The following DENND10 variants were observed in gnomAD, a reference collection of about 807,000 sequenced individuals.
DENND10 encodes DENN domain containing 10, also known as DENN domain-containing protein 10.
DENND10 carries 24 observed loss-of-function variants against 43.6 expected under a neutral mutation model. The ratio of observed to expected loss-of-function variants is 0.55; its 90% confidence interval spans 0.40 to 0.77. The LOEUF is 0.77. Ranked by LOEUF, DENND10 falls within the 30% of genes least tolerant of loss-of-function variation. The pLI is 0.00. For synonymous variants in DENND10, 125 were observed against 157.6 expected, an observed-to-expected ratio of 0.79 and a Z score of 1.55; for missense variants, 303 against 429.9, an observed-to-expected ratio of 0.70 and a Z score of 2.61.
chr10:119,107,559 A>G (rs916423501), intron 1 of DENND10, among the ~76,000 whole-genome samples: 24 of 151,720 alleles, frequency 1.6e-4, no homozygotes, highest in African/African-American at 5.6e-4. Context: ...ATGCCCCACC[A>G]CACCCGGATA....
chr10:119,136,749 TATC>T lies in DENND10; in HGVS notation c.*103_*105del. On this transcript the variant is annotated 3_prime_UTR_variant, in exon 9 of 9. Coordinates refer to ENST00000361432, the MANE Select transcript of DENND10 (RefSeq NM_207009.4). Reference sequence around the variant, plus strand: ...CCTGAAAATAACAGAGAAACTGTTATATCTTTTTAATGATTTATTTGCAAGTAT... The same window carrying T: ...CCTGAAAATAACAGAGAAACTGTTATTTTTTAATGATTTATTTGCAAGTAT... 1 of 593,798 alleles carries T rather than the reference TATC, an allele frequency of 1.7e-6. No homozygotes were observed. Among genetic ancestry groups the T allele is most frequent in the Non-Finnish European group, 2.9e-6 (1 of 344,498 alleles). 36.8% of individuals were successfully genotyped at this position (593,798 alleles called of 1,614,324 possible). A position where few individuals can be genotyped will look rare whatever the true frequency, so the allele number is the denominator to read the frequency against.
At chr10:119,129,425 A>G in intron 6 of DENND10, 90 bp from the exon 7 acceptor site, 1 of 767,950 alleles carries the variant, frequency 1.3e-6, no homozygotes, top group Non-Finnish European at 2.3e-6. Context: ...AGTGAAAGAG[A>G]GCAGTCGATG....
At chr10:119,136,353 G>A (rs1360729146) in intron 8 of DENND10, 118 bp from the exon 9 acceptor site, 10 of 1,230,170 alleles carry the variant, frequency 8.1e-6, no homozygotes, top group African/African-American at 4.6e-5. Context: ...GAGCCACCAC[G>A]CCAAGCTCAT....
At chr10:119,124,940 A>ATT in intron 6 of DENND10, among the ~76,000 whole-genome samples, 1 of 152,188 alleles carries the variant, frequency 6.6e-6, no homozygotes, top group South Asian at 2.1e-4. Context: ...TGCAACCTAT[A>ATT]TTTAACTATT....
intron 5 of DENND10, among the ~76,000 whole-genome samples, chr10:119,123,143 C>A (rs1845652759): frequency 6.6e-6 from 1 of 152,188 alleles, no homozygotes; most frequent in African/African-American, 2.4e-5. Flanking sequence ...GTGGCAGGCA[C>A]CTGTAGTCCC....
At position 119,105,977 on chromosome 10, in the gene DENND10, A is replaced by G. The variant is rs1327252683; in HGVS notation, c.55+1780A>G. On this transcript the variant is annotated intron_variant, in intron 1 of 8. Transcript: ENST00000361432. ...TTGGGAGGCTGAGGCAGGTGGATCA[A>G]TTGAGGCTGGGAGTTGATCAGCCTG... Among the ~76,000 whole-genome samples the G allele has an allele frequency of 2.6e-5, 4 of 152,168 alleles. No individual in the cohort carries two copies. In the East Asian group the frequency reaches 7.7e-4, roughly 29 times the overall value.
chr10:119,132,768 A>C lies in DENND10; in HGVS notation c.897+159A>C, dbSNP rs1214067760. 1 of 661,634 alleles carries C rather than the reference A, an allele frequency of 1.5e-6. No individual in the cohort carries two copies. The highest frequency in any genetic ancestry group is 2.4e-5 in the Admixed American group (1 of 41,288). The allele number at this position is 661,634 out of a possible 1,614,324, so 41.0% of individuals were successfully genotyped here. A position where few individuals can be genotyped will look rare whatever the true frequency, so the allele number is the denominator to read the frequency against. On this transcript the variant is annotated intron_variant, in intron 8 of 8. Transcript: ENST00000361432. This position sits in a 1 kb window ranked among gnomAD's most constrained non-coding sequence, Gnocchi z 4.2. ...CAGACGGCCACAGTGATGATGGACA[A>C]GCAGGTGCAGGCTGGCCTGATCTAG...
intron 1 of DENND10, among the ~76,000 whole-genome samples, chr10:119,107,526 C>T (rs1844754821): frequency 6.6e-6 from 1 of 151,550 alleles, no homozygotes; most frequent in African/African-American, 2.4e-5. Context: ...GCCTTAGCCT[C>T]CTGAGTAGCT....
intron 3 of DENND10, among the ~76,000 whole-genome samples, chr10:119,116,835 ATT>A (rs80097276): frequency 0.55 from 80,034 of 144,380 alleles, 22,157 homozygotes; most frequent in South Asian, 0.68. Flanking sequence ...CACCTGGCTA[ATT>A]TTTTTTTTTT....
chr10:119,123,887 T>C (rs1339590673), intron 6 of DENND10, among the ~76,000 whole-genome samples: 2 of 151,922 alleles, frequency 1.3e-5, no homozygotes, highest in East Asian at 3.9e-4. Flanking sequence ...TTTTTTTTTT[T>C]TTTTAGTTTA....
At chr10:119,120,492 C>A in intron 5 of DENND10, 40 bp downstream of exon 5, 1 of 1,280,898 alleles carries the variant, frequency 7.8e-7, no homozygotes. Context: ...ACTTTGTTGG[C>A]AGACAGTTCG....
chr10:119,117,233 G>A (rs774360123), intron 3 of DENND10, among the ~76,000 whole-genome samples: 1 of 151,894 alleles, frequency 6.6e-6, no homozygotes, highest in Non-Finnish European at 1.5e-5. Flanking sequence ...TTAGCAGGGT[G>A]TGGTGGTGCA....
chr10:119,124,568 G>A lies in DENND10; in HGVS notation c.694+999G>A, dbSNP rs1243692710. ...GAAAAAAAGATTTACCTTTTTTTTTGAGACCAGGTCTTCCTGTGTTACTCA... is the reference window on the plus strand; with the variant it reads ...GAAAAAAAGATTTACCTTTTTTTTTAAGACCAGGTCTTCCTGTGTTACTCA... On this transcript the variant is annotated intron_variant, in intron 6 of 8. Coordinates refer to ENST00000361432, the MANE Select transcript of DENND10 (RefSeq NM_207009.4). 4.0e-5 allele frequency among the ~76,000 whole-genome samples: 6 copies of A among 151,102 alleles called. No homozygotes were observed. In the East Asian group the frequency reaches 1.2e-3, roughly 29 times the overall value.
At position 119,112,080 on chromosome 10, in the gene DENND10, T is replaced by C. The variant is rs989545468; in HGVS notation, c.332+152T>C. The stretch of plus-strand genomic sequence containing the variant: ...CCTTCACAGACTGTAAAGACGGCCT[T>C]TCTCTTTTGCTCTGTTGATACTTCT... On this transcript the variant is annotated intron_variant, in intron 3 of 8. Coordinates refer to ENST00000361432, the MANE Select transcript of DENND10 (RefSeq NM_207009.4). The C allele has an allele frequency of 2.3e-5, 14 of 607,266 alleles. No individual in the cohort carries two copies. In the Admixed American group the frequency reaches 4.1e-4, roughly 18 times the overall value. The allele number at this position is 607,266 out of a possible 1,614,324, so 37.6% of individuals were successfully genotyped here.
intron 6 of DENND10, among the ~76,000 whole-genome samples, chr10:119,124,037 CA>C (rs1401283279): frequency 6.7e-6 from 1 of 148,974 alleles, no homozygotes; most frequent in South Asian, 2.1e-4. Context: ...ACTAAAAATA[CA>C]AAAAATTAGC....
intron 5 of DENND10, among the ~76,000 whole-genome samples, chr10:119,120,963 A>C (rs1214267840): frequency 4.6e-5 from 7 of 152,000 alleles, no homozygotes. Flanking sequence ...TTGATAGTAC[A>C]TATAGATTTT....
intron 3 of DENND10, among the ~76,000 whole-genome samples, chr10:119,115,804 C>T (rs1845239577): frequency 6.8e-6 from 1 of 146,130 alleles, no homozygotes; most frequent in Admixed American, 6.9e-5. Context: ...CGCTCTGTTG[C>T]CCAGGCTGGA....
intron 4 of DENND10, among the ~76,000 whole-genome samples, chr10:119,120,074 C>G (rs946757378): frequency 6.7e-6 from 1 of 150,208 alleles, no homozygotes; most frequent in Admixed American, 6.7e-5. Flanking sequence ...ATGGTGAAAC[C>G]CCGTCTCTAC....
chr10:119,132,453 G>C lies in DENND10; in HGVS notation c.803-62G>C. 7.1e-7 allele frequency: 1 copy of C among 1,416,602 alleles called. No homozygotes were observed. Among genetic ancestry groups the C allele is most frequent in the South Asian group, 1.2e-5 (1 of 86,890 alleles). 87.8% of individuals were successfully genotyped at this position (1,416,602 alleles called of 1,614,324 possible). ...CTCAGTGTGGTCTTCCAAGTTTTCA[G>C]ATAGATGGCATGATTATTTTTTATG... On this transcript the variant is annotated intron_variant, in intron 7 of 8. Coordinates refer to ENST00000361432, the MANE Select transcript of DENND10 (RefSeq NM_207009.4). The surrounding 1 kb of genome is among the most constrained non-coding windows in gnomAD (Gnocchi z 4.2).
Sources: allele counts gnomAD v4.1 joint callset (sites outside exome capture counted in the v4.1 genomes callset), GRCh38; gene constraint gnomAD v4.1.1; non-coding constraint Gnocchi (gnomAD v3.1); transcripts MANE v1.5; gene names NCBI Gene and HGNC (gene_info 2026-07-23, HGNC 2026-07-21).